DCUN1D1: variants seen among roughly 807,000 people sequenced by gnomAD.
The protein encoded by DCUN1D1 is DCN1-like protein 1.
DCUN1D1 carries 3 observed loss-of-function variants against 39.0 expected under a neutral mutation model. The observed-to-expected ratio is 0.08, with a 90% CI of 0.04 to 0.20. The LOEUF is 0.20. Among genes scored for constraint, DCUN1D1 ranks in the 10% least tolerant of loss-of-function variants. The probability of loss-of-function intolerance (pLI) is 1.00; values close to 1 mark genes in which losing one functional copy is unlikely to be tolerated. For missense variants in DCUN1D1, 158 were observed against 302.4 expected (o/e 0.52, Z 3.54); for synonymous variants, 82 against 96.3 (o/e 0.85, Z 0.87).
At chr3:182,980,210 G>A in intron 1 of DCUN1D1, 1 of 366,118 alleles carries the variant, frequency 2.7e-6, no homozygotes, top group Non-Finnish European at 3.8e-6. Context: ...AGGGGCACCG[G>A]GGCCGCTCCC....
chr3:182,951,396 CA>C (rs1191643931), intron 4 of DCUN1D1, among the ~76,000 whole-genome samples: 1 of 151,690 alleles, frequency 6.6e-6, no homozygotes, highest in African/African-American at 2.4e-5. Flanking sequence ...AAGAATTTGA[CA>C]AAAGTAAAAG....
intron 1 of DCUN1D1, among the ~76,000 whole-genome samples, chr3:182,971,329 C>T (rs1206657714): frequency 6.6e-6 from 1 of 151,978 alleles, no homozygotes. Flanking sequence ...CTTTGGGAGG[C>T]CAAGGCAAGA....
intron 2 of DCUN1D1, among the ~76,000 whole-genome samples, chr3:182,965,069 CTG>C (rs1727602989): frequency 6.6e-6 from 1 of 152,166 alleles, no homozygotes; most frequent in Admixed American, 6.5e-5. Flanking sequence ...GAAAGAAACT[CTG>C]TAAATATATT....
chr3:182,940,861 T>C lies in DCUN1D1; in HGVS notation c.*4233A>G, dbSNP rs1726104443. On this transcript the variant is annotated 3_prime_UTR_variant, in exon 7 of 7. Coordinates refer to ENST00000292782, the MANE Select transcript of DCUN1D1 (RefSeq NM_020640.4). ...TTAAAAACACTTTTAAAATCTCAATTTAAAAAATGGACAACTATAACATGA... is the reference window on the plus strand; with the variant it reads ...TTAAAAACACTTTTAAAATCTCAATCTAAAAAATGGACAACTATAACATGA... The C allele has an allele frequency of 6.6e-6, 1 of 152,158 alleles. No homozygotes were observed. The highest frequency in any genetic ancestry group is 2.4e-5 in the African/African-American group (1 of 41,442). The allele number at this position is 152,158 out of a possible 1,614,324, so 9.4% of individuals were successfully genotyped here. A position where few individuals can be genotyped will look rare whatever the true frequency, so the allele number is the denominator to read the frequency against.
intron 4 of DCUN1D1, among the ~76,000 whole-genome samples, chr3:182,954,896 T>C (rs1726950394): frequency 6.6e-6 from 1 of 152,216 alleles, no homozygotes; most frequent in African/African-American, 2.4e-5. Flanking sequence ...AGTTTGGTAT[T>C]AGATAATACA....
At chr3:182,961,389 A>G (rs764991235) in intron 3 of DCUN1D1, 33 bp from the exon 4 acceptor site, 2 of 1,533,120 alleles carry the variant, frequency 1.3e-6, no homozygotes, top group African/African-American at 1.4e-5. Flanking sequence ...TAAAAGATTA[A>G]CTGTTTCACT....
At chr3:182,947,677 T>A in intron 4 of DCUN1D1, 45 bp from the exon 5 acceptor site, 1 of 1,125,168 alleles carries the variant, frequency 8.9e-7, no homozygotes, top group Non-Finnish European at 1.3e-6. Context: ...CTATAAATAT[T>A]TGTCCCTGCA....
At chr3:182,978,160 C>G (rs563565902) in intron 1 of DCUN1D1, among the ~76,000 whole-genome samples, 1 of 141,598 alleles carries the variant, frequency 7.1e-6, no homozygotes, top group Non-Finnish European at 1.6e-5. Context: ...AACTTTTTTA[C>G]TTATACAAAG....
chr3:182,945,279 A>G, intron 6 of DCUN1D1, 106 bp from the exon 7 acceptor site: 1 of 858,674 alleles, frequency 1.2e-6, no homozygotes, highest in Non-Finnish European at 1.8e-6. Context: ...TAAGCGTTAA[A>G]GTATATCATT....
intron 1 of DCUN1D1, 142 bp downstream of exon 1, chr3:182,980,345 C>T (rs925645318): frequency 1.6e-5 from 9 of 549,606 alleles, no homozygotes; most frequent in Non-Finnish European, 2.3e-6. Flanking sequence ...GCAGGAGAGC[C>T]CCCGCCTGGG....
At position 182,944,383 on chromosome 3, in the gene DCUN1D1, T is replaced by C. The variant is rs1365230549; in HGVS notation, c.*711A>G. 8 of 152,560 alleles carry C rather than the reference T, an allele frequency of 5.2e-5. No homozygotes were observed. Among genetic ancestry groups the C allele is most frequent in the African/African-American group, 1.4e-4 (6 of 41,442 alleles). 9.5% of individuals were successfully genotyped at this position (152,560 alleles called of 1,614,324 possible). A position where few individuals can be genotyped will look rare whatever the true frequency, so the allele number is the denominator to read the frequency against. On this transcript the variant is annotated 3_prime_UTR_variant, in exon 7 of 7. Coordinates refer to ENST00000292782, the MANE Select transcript of DCUN1D1 (RefSeq NM_020640.4). ...AAGCTCCCTGTAGGACAGCTATATATAAACATGGGTAAGGTAAGCGCAGAC... is the reference window on the plus strand; with the variant it reads ...AAGCTCCCTGTAGGACAGCTATATACAAACATGGGTAAGGTAAGCGCAGAC...
intron 4 of DCUN1D1, among the ~76,000 whole-genome samples, chr3:182,956,809 T>C (rs576736311): frequency 1.3e-5 from 2 of 152,336 alleles, no homozygotes; most frequent in Admixed American, 1.3e-4. Flanking sequence ...AGAACATATA[T>C]AATCTTTGAT....
At position 182,964,633 on chromosome 3, in the gene DCUN1D1, TTC is replaced by T. The variant is rs1187454025; in HGVS notation, c.221-586_221-585del. Reference sequence around the variant, plus strand: ...TATCAAATATGATTTACTAACACCTTTCTTTTTTTTTTTTTTTTTTTTTTTGA... The same window carrying T: ...TATCAAATATGATTTACTAACACCTTTTTTTTTTTTTTTTTTTTTTTTTGA... On this transcript the variant is annotated intron_variant, in intron 2 of 6. Transcript: ENST00000292782. 1.0e-3 allele frequency among the ~76,000 whole-genome samples: 150 copies of T among 148,972 alleles called. 1 individual carries two copies. The highest frequency in any genetic ancestry group is 3.3e-3 in the African/African-American group (132 of 40,078).
chr3:182,984,017 C>A (rs1728647167), upstream of DCUN1D1, among the ~76,000 whole-genome samples: 2 of 152,220 alleles, frequency 1.3e-5, no homozygotes, highest in Non-Finnish European at 1.5e-5. Flanking sequence ...GGTCAGAGAC[C>A]TGGTTGCACA....
intron 6 of DCUN1D1, among the ~76,000 whole-genome samples, chr3:182,946,556 C>CAAAAAA (rs71185614): frequency 8.1e-5 from 5 of 61,524 alleles, no homozygotes; most frequent in African/African-American, 2.3e-4. Flanking sequence ...GACTCCATCT[C>CAAAAAA]AAAAAAAAAA....
chr3:182,960,027 A>C (rs182857697), intron 4 of DCUN1D1, among the ~76,000 whole-genome samples: 32 of 152,322 alleles, frequency 2.1e-4, no homozygotes, highest in Admixed American at 7.8e-4. Flanking sequence ...TGCAGAAGCC[A>C]GGGCCATGCC....
At position 182,938,566 on chromosome 3, in the gene DCUN1D1, T is replaced by C. The variant is rs561217438; in HGVS notation, c.*6528A>G. 2.6e-5 allele frequency: 4 copies of C among 152,330 alleles called. No individual in the cohort carries two copies. The East Asian group carries it at 7.7e-4, about 29-fold the overall frequency. The allele number at this position is 152,330 out of a possible 1,614,324, so 9.4% of individuals were successfully genotyped here. On this transcript the variant is annotated 3_prime_UTR_variant, in exon 7 of 7. Transcript: ENST00000292782. ...ATAGGGGTTCAAAGATGAATGGCAT[T>C]TAGATAAATCAAGATTGGCCATGGA...
chr3:182,980,665 A>G (rs1464259515), upstream of DCUN1D1: 4 of 818,166 alleles, frequency 4.9e-6, no homozygotes, highest in South Asian at 5.4e-5. Flanking sequence ...GGACGGAGGC[A>G]GGCGGAGGGC....
At chr3:182,961,455 C>T (rs1377176345) in intron 3 of DCUN1D1, 99 bp from the exon 4 acceptor site, 9 of 1,118,894 alleles carry the variant, frequency 8.0e-6, no homozygotes, top group Non-Finnish European at 1.2e-5. Context: ...CCTAGAACTA[C>T]TTTTTTAAAA....
Sources: allele counts gnomAD v4.1 joint callset (sites outside exome capture counted in the v4.1 genomes callset), GRCh38; gene constraint gnomAD v4.1.1; transcripts MANE v1.5; gene names NCBI Gene and HGNC (gene_info 2026-07-23, HGNC 2026-07-21).